The following NRG3 variants were observed in gnomAD, a reference collection of about 807,000 sequenced individuals.
NRG3 encodes the protein neuregulin 3.
A neutral mutation model predicts 66.9 loss-of-function variants in NRG3; 31 were observed. That is an observed-to-expected ratio of 0.46 (90% CI 0.35 to 0.63). The LOEUF is 0.63. Among genes scored for constraint, NRG3 ranks in the 20% least tolerant of loss-of-function variants. The pLI is 0.00. For synonymous variants in NRG3, 393 were observed against 359.4 expected (o/e 1.09, Z -1.06); for missense variants, 910 against 878.9 (o/e 1.04, Z -0.45).
intron 1 of NRG3, among the ~76,000 whole-genome samples, chr10:82,050,928 A>T (rs2063562847): frequency 6.6e-6 from 1 of 151,952 alleles, no homozygotes; most frequent in South Asian, 2.1e-4. Flanking sequence ...TGCTGTGTCA[A>T]ATATAAGACA....
intron 2 of NRG3, among the ~76,000 whole-genome samples, chr10:82,487,039 T>A (rs1842739793): frequency 6.7e-6 from 1 of 149,960 alleles, no homozygotes; most frequent in African/African-American, 2.4e-5. Context: ...TTAAGAGGTT[T>A]AACATAATGG....
At chr10:81,977,283 A>C (rs76646480) in intron 1 of NRG3, among the ~76,000 whole-genome samples, 4,977 of 152,238 alleles carry the variant, frequency 0.033, 199 homozygotes, top group East Asian at 0.19. Flanking sequence ...CTACTGCAGT[A>C]AGCCGTGTGT....
At chr10:82,353,865 T>C (rs1282971519) in intron 1 of NRG3, among the ~76,000 whole-genome samples, 2 of 152,274 alleles carry the variant, frequency 1.3e-5, no homozygotes, top group East Asian at 3.9e-4. Context: ...TGTTTTCTTC[T>C]CGTTTGTCCT....
chr10:82,170,737 T>C (rs549376693), intron 1 of NRG3, among the ~76,000 whole-genome samples: 1 of 143,686 alleles, frequency 7.0e-6, no homozygotes, highest in South Asian at 2.2e-4. Flanking sequence ...CATTAAATGT[T>C]AATGGCCATC....
At chr10:82,525,158 C>A (rs774741021) in intron 2 of NRG3, among the ~76,000 whole-genome samples, 5 of 151,642 alleles carry the variant, frequency 3.3e-5, no homozygotes, top group Admixed American at 1.3e-4. Flanking sequence ...CATAACAAAT[C>A]TAAAAAGTTT....
intron 4 of NRG3, among the ~76,000 whole-genome samples, chr10:82,892,166 A>AT (rs981300466): frequency 3.2e-4 from 49 of 152,208 alleles, no homozygotes; most frequent in African/African-American, 1.1e-3. Context: ...TTTTTGAAAG[A>AT]TTTTTTAAAT....
chr10:82,924,311 G>T (rs1846763871), intron 4 of NRG3, among the ~76,000 whole-genome samples: 2 of 152,012 alleles, frequency 1.3e-5, no homozygotes, highest in African/African-American at 4.8e-5. Context: ...GATGTTCAAT[G>T]AATCAATCGC....
At chr10:82,772,377 A>G (rs540621724) in intron 3 of NRG3, among the ~76,000 whole-genome samples, 1 of 152,096 alleles carries the variant, frequency 6.6e-6, no homozygotes, top group South Asian at 2.1e-4. Flanking sequence ...GTACAATACA[A>G]TTTTATTAAT....
chr10:82,387,417 CA>C (rs2086074527), intron 2 of NRG3, among the ~76,000 whole-genome samples: 1 of 152,176 alleles, frequency 6.6e-6, no homozygotes, highest in African/African-American at 2.4e-5. Flanking sequence ...GGTTGGTTGG[CA>C]TTGTCTTAGG....
At chr10:82,587,960 A>T (rs1049117774) in intron 2 of NRG3, among the ~76,000 whole-genome samples, 1 of 152,282 alleles carries the variant, frequency 6.6e-6, no homozygotes, top group East Asian at 1.9e-4. Context: ...TTGCTACATA[A>T]TTTTACAAGT....
intron 2 of NRG3, among the ~76,000 whole-genome samples, chr10:82,704,117 T>C (rs548686734): frequency 4.1e-4 from 62 of 152,308 alleles, no homozygotes; most frequent in African/African-American, 1.5e-3. Flanking sequence ...TTCTATCATT[T>C]GTTCCTTCCT....
intron 3 of NRG3, among the ~76,000 whole-genome samples, chr10:82,763,462 T>C (rs2059402094): frequency 6.6e-6 from 1 of 152,172 alleles, no homozygotes. Flanking sequence ...GAGGAATTCC[T>C]CTTAAATTTA....
intron 2 of NRG3, among the ~76,000 whole-genome samples, chr10:82,628,426 G>A (rs549309766): frequency 5.9e-5 from 9 of 152,254 alleles, no homozygotes; most frequent in South Asian, 4.1e-4. Flanking sequence ...TGGAAAAATA[G>A]GGTGTTAACC....
At chr10:82,040,308 A>T (rs4503476) in intron 1 of NRG3, among the ~76,000 whole-genome samples, 1 of 151,876 alleles carries the variant, frequency 6.6e-6, no homozygotes. Context: ...ATACATGTAT[A>T]GTATACACAA....
intron 3 of NRG3, among the ~76,000 whole-genome samples, chr10:82,741,428 G>A (rs1010875): frequency 0.09 from 13,756 of 152,224 alleles, 798 homozygotes; most frequent in Middle Eastern, 0.18. Context: ...AATGGCAACA[G>A]TAATACCTAT....
At chr10:82,246,461 C>T (rs191299584) in intron 1 of NRG3, among the ~76,000 whole-genome samples, 9 of 152,168 alleles carry the variant, frequency 5.9e-5, no homozygotes, top group East Asian at 3.9e-4. Context: ...AGAGAAAACA[C>T]GAAGGATGAA....
At chr10:82,167,867 TGTTA>T (rs2072220414) in intron 1 of NRG3, among the ~76,000 whole-genome samples, 1 of 152,150 alleles carries the variant, frequency 6.6e-6, no homozygotes, top group Non-Finnish European at 1.5e-5. Context: ...CTTTTATGTT[TGTTA>T]TTTACCTATT....
At chr10:82,767,009 A>G in intron 3 of NRG3, among the ~76,000 whole-genome samples, 1 of 149,204 alleles carries the variant, frequency 6.7e-6, no homozygotes, top group Non-Finnish European at 1.5e-5. Context: ...TATATATATG[A>G]TATATATAAA....
intron 1 of NRG3, among the ~76,000 whole-genome samples, chr10:82,185,596 T>G (rs1363158418): frequency 6.6e-6 from 1 of 152,224 alleles, no homozygotes; most frequent in Admixed American, 6.5e-5. Context: ...CATATAACAA[T>G]AAACATCTAT....
Sources: gnomAD v4.1 joint callset for allele counts (sites outside exome capture counted in the v4.1 genomes callset) on GRCh38, gnomAD v4.1.1 for gene constraint, MANE v1.5 for transcripts, NCBI Gene and HGNC (gene_info 2026-07-23, HGNC 2026-07-21) for gene names.